Variants in KIAA1217 observed in about 807,000 individuals in gnomAD.
KIAA1217 encodes the protein KIAA1217.
In KIAA1217, 88 loss-of-function variants were observed where a neutral mutation model predicts 163.9. The observed-to-expected ratio is 0.54, with a 90% CI of 0.45 to 0.64. The LOEUF is 0.64. Ranked by LOEUF, KIAA1217 falls within the 30% of genes least tolerant of loss-of-function variation. KIAA1217 has a pLI of 0.00. For synonymous variants in KIAA1217, 903 were observed against 923.1 expected, an observed-to-expected ratio of 0.98 and a Z score of 0.39; for missense variants, 2,372 against 2,475.0, an observed-to-expected ratio of 0.96 and a Z score of 0.88.
rs575887657 is a variant in KIAA1217 at position 24,154,503 on chromosome 10, A to T, written c.-170-65123A>T. Among the ~76,000 whole-genome samples, 4 of 152,300 alleles carry T rather than the reference A, an allele frequency of 2.6e-5. No homozygotes were observed. In the East Asian group the frequency reaches 7.7e-4, roughly 29 times the overall value. On this transcript the variant is annotated intron_variant, in intron 2 of 18. Transcript: ENST00000376462. The stretch of plus-strand genomic sequence containing the variant: ...ACTTATTGGAAGGATTAAATAAGAT[A>T]ATATAAAAGCACTTAGTGCATTGTG...
intron 1 of KIAA1217, among the ~76,000 whole-genome samples, chr10:23,782,815 G>C (rs1005811421): frequency 6.6e-6 from 1 of 151,926 alleles, no homozygotes; most frequent in Admixed American, 6.6e-5. Flanking sequence ...TCCCAATTTG[G>C]ATGCCTTTAA....
rs148771562 is a variant in KIAA1217, at chr10:23,712,883, A to G, written c.-321+17649A>G. ...AATCAAGTATTTTTAGAAGATTTTC[A>G]TATTACCTCTTTTCAGTTTTAATTG... On this transcript the variant is annotated intron_variant, in intron 1 of 18. Coordinates refer to the KIAA1217 transcript ENST00000376462. Among the ~76,000 whole-genome samples, 1,272 of 152,246 alleles carry G rather than the reference A, an allele frequency of 8.4e-3. 23 individuals carry two copies. Among genetic ancestry groups the G allele is most frequent in the African/African-American group, 0.029 (1,211 of 41,554 alleles).
intron 3 of KIAA1217, among the ~76,000 whole-genome samples, chr10:24,417,855 C>T (rs1319926202): frequency 2.1e-5 from 2 of 93,916 alleles, no homozygotes; most frequent in Non-Finnish European, 4.0e-5. Flanking sequence ...CAAAGAATAG[C>T]TTGATTTTTT....
At chr10:24,361,186 T>G (rs1177814207) in intron 2 of KIAA1217, among the ~76,000 whole-genome samples, 1 of 152,052 alleles carries the variant, frequency 6.6e-6, no homozygotes, top group African/African-American at 2.4e-5. Context: ...TTTTCTTATT[T>G]ATGTTATTTT....
chr10:23,718,409 A>T (rs1174772830), intron 1 of KIAA1217, among the ~76,000 whole-genome samples: 15 of 152,198 alleles, frequency 9.9e-5, no homozygotes, highest in Admixed American at 9.8e-4. Flanking sequence ...ATTTTGTGTC[A>T]GAGGGAAATA....
intron 1 of KIAA1217, among the ~76,000 whole-genome samples, chr10:23,885,104 T>A (rs1841115322): frequency 6.6e-6 from 1 of 152,000 alleles, no homozygotes; most frequent in Non-Finnish European, 1.5e-5. Flanking sequence ...GAATGTTTTT[T>A]GTGTTTTGTA....
chr10:23,981,037 A>G (rs910245634), intron 1 of KIAA1217, among the ~76,000 whole-genome samples: 1 of 152,216 alleles, frequency 6.6e-6, no homozygotes, highest in Admixed American at 6.5e-5. Flanking sequence ...ACCGTTGCTT[A>G]AAGTTTAAAA....
intron 2 of KIAA1217, among the ~76,000 whole-genome samples, chr10:24,301,976 C>T (rs771938163): frequency 5.3e-5 from 8 of 152,026 alleles, no homozygotes; most frequent in African/African-American, 9.7e-5. Context: ...ACCGGGGAGG[C>T]GGAGGCTGCA....
chr10:23,808,196 C>T (rs1836833969), intron 1 of KIAA1217, among the ~76,000 whole-genome samples: 1 of 152,172 alleles, frequency 6.6e-6, no homozygotes, highest in Admixed American at 6.5e-5. Context: ...GCAGAGACAT[C>T]TACAGTCATC....
intron 6 of KIAA1217, among the ~76,000 whole-genome samples, chr10:24,477,326 A>G (rs952668329): frequency 1.3e-5 from 2 of 152,348 alleles, no homozygotes; most frequent in South Asian, 2.1e-4. Flanking sequence ...ATGTACTATC[A>G]TCATCTCCTT....
At chr10:24,541,481 A>C (rs1165334481) in intron 17 of KIAA1217, among the ~76,000 whole-genome samples, 2 of 152,254 alleles carry the variant, frequency 1.3e-5, no homozygotes, top group East Asian at 3.9e-4. Flanking sequence ...AAGTAAGGTC[A>C]TAGGGGTTGC....
chr10:23,750,605 T>C (rs1039669596), intron 1 of KIAA1217, among the ~76,000 whole-genome samples: 1 of 152,196 alleles, frequency 6.6e-6, no homozygotes, highest in African/African-American at 2.4e-5. Context: ...TCTCCATCAC[T>C]AGACAGAATG....
chr10:24,362,031 C>G (rs151052324), intron 2 of KIAA1217, among the ~76,000 whole-genome samples: 151 of 150,622 alleles, frequency 1.0e-3, no homozygotes, highest in African/African-American at 3.5e-3. Context: ...AATAGAATGG[C>G]TGTATCAAAA....
intron 2 of KIAA1217, among the ~76,000 whole-genome samples, chr10:24,038,189 A>G (rs547851248): frequency 1.3e-5 from 2 of 152,326 alleles, no homozygotes; most frequent in South Asian, 4.1e-4. Flanking sequence ...CCCTGTGTTC[A>G]GCCTTTATGA....
intron 2 of KIAA1217, among the ~76,000 whole-genome samples, chr10:24,325,803 G>A (rs2044802193): frequency 6.6e-6 from 1 of 152,132 alleles, no homozygotes; most frequent in Admixed American, 6.5e-5. Flanking sequence ...GGGGCAATAA[G>A]GGGAAGAAAA....
intron 1 of KIAA1217, among the ~76,000 whole-genome samples, chr10:23,802,513 C>G (rs545884162): frequency 6.6e-6 from 1 of 152,290 alleles, no homozygotes; most frequent in South Asian, 2.1e-4. Context: ...TTGACTTGAC[C>G]TATGGCATAG....
chr10:24,490,612 T>C (rs927521562), intron 6 of KIAA1217, among the ~76,000 whole-genome samples: 1 of 152,178 alleles, frequency 6.6e-6, no homozygotes, highest in African/African-American at 2.4e-5. Context: ...ACTTTGACGA[T>C]TAAATAGGAG....
At chr10:24,419,585 A>G (rs2058565510) in intron 3 of KIAA1217, among the ~76,000 whole-genome samples, 1 of 152,180 alleles carries the variant, frequency 6.6e-6, no homozygotes, top group Non-Finnish European at 1.5e-5. Context: ...AATATGTGGA[A>G]GAGTTTGGAT....
intron 6 of KIAA1217, among the ~76,000 whole-genome samples, chr10:24,485,986 C>G (rs1036619883): frequency 1.3e-5 from 2 of 152,220 alleles, no homozygotes; most frequent in African/African-American, 4.8e-5. Flanking sequence ...GGCCAAAAGT[C>G]TTGGTGTCAT....
Sources: gnomAD v4.1 joint callset for allele counts (sites outside exome capture counted in the v4.1 genomes callset) on GRCh38, gnomAD v4.1.1 for gene constraint, MANE v1.5 for transcripts, NCBI Gene and HGNC (gene_info 2026-07-23, HGNC 2026-07-21) for gene names.